Variants in SLC9A9 observed in about 807,000 individuals in gnomAD.
SLC9A9 encodes sodium/hydrogen exchanger 9.
SLC9A9 carries 62 observed loss-of-function variants against 77.8 expected under a neutral mutation model. That is an observed-to-expected ratio of 0.80 (90% CI 0.65 to 0.98). The LOEUF (loss-of-function observed/expected upper bound fraction) is 0.98. Ranked by LOEUF, SLC9A9 falls within the 50% of genes least tolerant of loss-of-function variation. The probability of loss-of-function intolerance (pLI) is 0.00; values close to 1 mark genes in which losing one functional copy is unlikely to be tolerated. For synonymous variants in SLC9A9, 320 were observed against 283.5 expected (o/e 1.13, Z -1.29); for missense variants, 775 against 774.9 (o/e 1.00, Z 0.00).
intron 12 of SLC9A9, among the ~76,000 whole-genome samples, chr3:143,388,572 T>C (rs1190499498): frequency 6.6e-6 from 1 of 152,208 alleles, no homozygotes. Flanking sequence ...ACATAAAATA[T>C]TGGCTGCCAT....
intron 1 of SLC9A9, among the ~76,000 whole-genome samples, chr3:143,838,314 A>C (rs1195475423): frequency 6.6e-6 from 1 of 152,230 alleles, no homozygotes; most frequent in Non-Finnish European, 1.5e-5. Context: ...CAAGGAGCCC[A>C]GCGTCAATGA....
intron 12 of SLC9A9, among the ~76,000 whole-genome samples, chr3:143,396,355 C>G (rs1415410328): frequency 1.3e-5 from 2 of 152,140 alleles, no homozygotes. Flanking sequence ...GATAAAAAAC[C>G]AAACACCGCA....
At chr3:143,469,540 A>C (rs986236600) in intron 11 of SLC9A9, among the ~76,000 whole-genome samples, 1 of 152,256 alleles carries the variant, frequency 6.6e-6, no homozygotes, top group Admixed American at 6.5e-5. Context: ...AAGGAATTTT[A>C]AAAAGTAGAC....
rs1166043973 is a variant in SLC9A9, at chr3:143,848,370, A to G, written c.-48T>C. The G allele has an allele frequency of 6.2e-7, 1 of 1,612,022 alleles. No homozygotes were observed. Among genetic ancestry groups the G allele is most frequent in the South Asian group, 1.1e-5 (1 of 91,022 alleles). ...TTAGATAAAAACCTGGATAAAGGCTATTTTATCAAGATTTGCCTAAGACAG... is the reference window on the plus strand; with the variant it reads ...TTAGATAAAAACCTGGATAAAGGCTGTTTTATCAAGATTTGCCTAAGACAG... On this transcript the variant is annotated 5_prime_UTR_variant, in exon 1 of 16. Coordinates refer to ENST00000316549, the MANE Select transcript of SLC9A9 (RefSeq NM_173653.4).
chr3:143,748,719 CGGAGTCTCGCTCTGTCGCCCA>C, intron 4 of SLC9A9, among the ~76,000 whole-genome samples: 1 of 112,460 alleles, frequency 8.9e-6, no homozygotes, highest in Non-Finnish European at 1.7e-5. Flanking sequence ...TTTTTTGAGA[CGGAGTCTCGCTCTGTCGCCCA>C]GGCCGGACTG....
intron 14 of SLC9A9, among the ~76,000 whole-genome samples, chr3:143,291,090 G>A (rs2029932910): frequency 6.6e-6 from 1 of 152,234 alleles, no homozygotes; most frequent in Non-Finnish European, 1.5e-5. Flanking sequence ...ACTCTGCCAG[G>A]CCAGCACTGC....
intron 2 of SLC9A9, among the ~76,000 whole-genome samples, chr3:143,804,093 C>T (rs2008644360): frequency 6.6e-6 from 1 of 152,150 alleles, no homozygotes. Context: ...CTGGAATTCC[C>T]CTGGGTAACC....
chr3:143,682,848 A>G (rs1228821623), intron 5 of SLC9A9, among the ~76,000 whole-genome samples: 1 of 152,148 alleles, frequency 6.6e-6, no homozygotes, highest in Non-Finnish European at 1.5e-5. Context: ...GCAGCCAGGA[A>G]AAGTTCTGCA....
At chr3:143,559,231 C>A (rs947937770) in intron 8 of SLC9A9, among the ~76,000 whole-genome samples, 1 of 152,126 alleles carries the variant, frequency 6.6e-6, no homozygotes, top group Non-Finnish European at 1.5e-5. Context: ...ATGGATAATA[C>A]ACAGCCTTTA....
chr3:143,524,099 T>C (rs2036363208), intron 9 of SLC9A9, among the ~76,000 whole-genome samples: 1 of 151,812 alleles, frequency 6.6e-6, no homozygotes, highest in African/African-American at 2.4e-5. Context: ...AAGGGCTGGG[T>C]GTTTCAGAGA....
chr3:143,548,109 A>T (rs865979768), intron 9 of SLC9A9, among the ~76,000 whole-genome samples: 21 of 152,240 alleles, frequency 1.4e-4, no homozygotes, highest in African/African-American at 5.1e-4. Flanking sequence ...CATTCATTTC[A>T]TCTACCCATG....
intron 13 of SLC9A9, chr3:143,381,580 C>A (rs1396643970): frequency 5.8e-6 from 1 of 173,516 alleles, no homozygotes; most frequent in Non-Finnish European, 1.2e-5. Context: ...ATTTTCAGGT[C>A]TCTGTAGATA....
intron 5 of SLC9A9, among the ~76,000 whole-genome samples, chr3:143,683,891 T>C (rs2108775462): frequency 6.6e-6 from 1 of 152,148 alleles, no homozygotes; most frequent in African/African-American, 2.4e-5. Context: ...TTCATTATTA[T>C]CATGAAAACA....
chr3:143,311,177 G>A (rs1455584930), intron 14 of SLC9A9, among the ~76,000 whole-genome samples: 3 of 152,180 alleles, frequency 2.0e-5, no homozygotes, highest in Non-Finnish European at 4.4e-5. Context: ...AATGGCTCTT[G>A]ACTTGTCTAC....
chr3:143,391,173 C>A (rs1021667463), intron 12 of SLC9A9, among the ~76,000 whole-genome samples: 2 of 152,246 alleles, frequency 1.3e-5, no homozygotes, highest in Non-Finnish European at 2.9e-5. Flanking sequence ...TCCCTGACCC[C>A]TGAGTAGCCT....
chr3:143,364,470 A>G (rs1384441513), intron 13 of SLC9A9, among the ~76,000 whole-genome samples: 1 of 152,178 alleles, frequency 6.6e-6, no homozygotes. Flanking sequence ...TGGTAGTAAT[A>G]TGAATAGTCT....
intron 12 of SLC9A9, among the ~76,000 whole-genome samples, chr3:143,418,582 ATT>A (rs2034240628): frequency 6.6e-6 from 1 of 152,142 alleles, no homozygotes; most frequent in South Asian, 2.1e-4. Context: ...TGGTTTCTGT[ATT>A]CTTAAGTCAG....
At chr3:143,473,278 C>T (rs1241404752) in intron 11 of SLC9A9, among the ~76,000 whole-genome samples, 1 of 152,176 alleles carries the variant, frequency 6.6e-6, no homozygotes, top group African/African-American at 2.4e-5. Flanking sequence ...AGAACAGCTT[C>T]CTCAAAACCT....
chr3:143,389,305 T>C (rs1250265865), intron 12 of SLC9A9, among the ~76,000 whole-genome samples: 2 of 152,196 alleles, frequency 1.3e-5, no homozygotes, highest in Non-Finnish European at 2.9e-5. Context: ...TTTAGTAGTC[T>C]ACTGTAATGG....
Sources: gnomAD v4.1 joint callset for allele counts (sites outside exome capture counted in the v4.1 genomes callset) on GRCh38, gnomAD v4.1.1 for gene constraint, MANE v1.5 for transcripts, NCBI Gene and HGNC (gene_info 2026-07-23, HGNC 2026-07-21) for gene names.